The following SHANK2 variants were observed in gnomAD, a reference collection of about 807,000 sequenced individuals.
The protein encoded by SHANK2 is SH3 and multiple ankyrin repeat domains 2, also known as SH3 and multiple ankyrin repeat domains protein 2.
A neutral mutation model predicts 133.7 loss-of-function variants in SHANK2; 43 were observed. The ratio of observed to expected loss-of-function variants is 0.32; its 90% CI spans 0.25 to 0.41. The LOEUF (loss-of-function observed/expected upper bound fraction) is 0.41, where lower values mean the gene tolerates loss of function less well. Among genes scored for constraint, SHANK2 ranks in the 10% least tolerant of loss-of-function variants. The probability of loss-of-function intolerance (pLI) is 1.00; values close to 1 mark genes in which losing one functional copy is unlikely to be tolerated. For synonymous variants in SHANK2, 1,017 were observed against 952.8 expected (o/e 1.07, Z -1.24); for missense variants, 1,994 against 2,235.8 (o/e 0.89, Z 2.18).
intron 2 of SHANK2, among the ~76,000 whole-genome samples, chr11:71,176,184 G>A (rs932746316): frequency 7.9e-5 from 12 of 151,976 alleles, no homozygotes; most frequent in Non-Finnish European, 1.2e-4. Flanking sequence ...CCATCATCCC[G>A]CCCAACGAAT....
At chr11:70,507,873 C>T (rs782487271) in intron 17 of SHANK2, among the ~76,000 whole-genome samples, 1 of 152,246 alleles carries the variant, frequency 6.6e-6, no homozygotes, top group African/African-American at 2.4e-5. Context: ...CTAAAAATGC[C>T]GACTTCCCCA....
chr11:71,082,957 C>G lies in SHANK2; in HGVS notation c.913-7682G>C, dbSNP rs1437977404. 2.7e-5 allele frequency among the ~76,000 whole-genome samples: 4 copies of G among 149,952 alleles called. No individual in the cohort carries two copies. The East Asian group carries it at 7.9e-4, about 30-fold the overall frequency. Reference sequence around the variant, plus strand: ...TCTTAACGCCCGCCCCCCCCCCAACCCTTCTGAAACAGGTTCTCACTCTGG... The same window carrying G: ...TCTTAACGCCCGCCCCCCCCCCAACGCTTCTGAAACAGGTTCTCACTCTGG... On this transcript the variant is annotated intron_variant, in intron 8 of 25. Coordinates refer to ENST00000601538, the MANE Select transcript of SHANK2 (RefSeq NM_012309.5).
intron 6 of SHANK2, among the ~76,000 whole-genome samples, chr11:71,108,699 C>A (rs539335614): frequency 6.6e-6 from 1 of 152,344 alleles, no homozygotes; most frequent in Admixed American, 6.5e-5. Flanking sequence ...TGTAGCCAGG[C>A]ACTCACCTTC....
intron 10 of SHANK2, among the ~76,000 whole-genome samples, chr11:70,900,563 G>C (rs529791742): frequency 1.1e-3 from 167 of 152,194 alleles, no homozygotes; most frequent in African/African-American, 3.4e-3. Context: ...CCATCCCCTA[G>C]TGATTCCGGG....
rs1028765957 is a variant in SHANK2, at chr11:70,473,799, G to A, written c.4980-360C>T. 4.6e-5 allele frequency: 17 copies of A among 371,422 alleles called. No individual in the cohort carries two copies. Among genetic ancestry groups the A allele is most frequent in the Non-Finnish European group, 6.2e-5 (12 of 192,646 alleles). 23.0% of individuals were successfully genotyped at this position (371,422 alleles called of 1,614,324 possible). A position where few individuals can be genotyped will look rare whatever the true frequency, so the allele number is the denominator to read the frequency against. ...TGGGGGGCAGGGCCGGGGGACCCTC[G>A]GGAGGGTGGCCACTGAGGCATTTGG... is the stretch of plus-strand genomic sequence containing the variant. On this transcript the variant is annotated intron_variant, in intron 25 of 25. Transcript: ENST00000601538. This position sits in a 1 kb window ranked among gnomAD's most constrained non-coding sequence, Gnocchi z 5.9.
At chr11:71,081,018 G>A (rs1369801990) in intron 8 of SHANK2, among the ~76,000 whole-genome samples, 3 of 152,170 alleles carry the variant, frequency 2.0e-5, no homozygotes, top group Admixed American at 6.5e-5. Flanking sequence ...CAGTACCTCC[G>A]CATGGGGCTG....
intron 17 of SHANK2, among the ~76,000 whole-genome samples, chr11:70,542,588 C>A (rs188963229): frequency 1.3e-5 from 2 of 152,172 alleles, no homozygotes; most frequent in Non-Finnish European, 2.9e-5. Context: ...AGCCTCCTGA[C>A]CCTCACTGGG....
At chr11:70,722,142 G>A (rs1555029343) in intron 14 of SHANK2, among the ~76,000 whole-genome samples, 1 of 152,246 alleles carries the variant, frequency 6.6e-6, no homozygotes, top group African/African-American at 2.4e-5. Context: ...GATGTGTGCT[G>A]TCTCTTGGTA....
chr11:70,597,145 C>T (rs943182983), intron 17 of SHANK2, among the ~76,000 whole-genome samples: 2 of 152,094 alleles, frequency 1.3e-5, no homozygotes, highest in African/African-American at 4.8e-5. Flanking sequence ...GAGCAGGTTT[C>T]GCACAAAATG....
intron 1 of SHANK2, among the ~76,000 whole-genome samples, chr11:71,234,792 A>G (rs990139677): frequency 2.6e-5 from 4 of 152,270 alleles, no homozygotes; most frequent in Non-Finnish European, 4.4e-5. Context: ...CTGGAGGAGC[A>G]TGGCCGGGTG....
chr11:71,085,163 C>T (rs1196880007), intron 8 of SHANK2, among the ~76,000 whole-genome samples: 2 of 152,082 alleles, frequency 1.3e-5, no homozygotes, highest in African/African-American at 4.8e-5. Flanking sequence ...CTCTCAAAAT[C>T]AGTAGACTTT....
chr11:70,938,422 T>C (rs1001136305), intron 10 of SHANK2, among the ~76,000 whole-genome samples: 13 of 152,242 alleles, frequency 8.5e-5, no homozygotes, highest in Admixed American at 3.3e-4. Context: ...AGGAAAGGCA[T>C]GTTCCTGAAA....
chr11:70,798,378 A>G (rs1436644826), intron 14 of SHANK2, 65 bp downstream of exon 14: 2 of 710,524 alleles, frequency 2.8e-6, no homozygotes, highest in East Asian at 2.7e-5. Context: ...CACGGACAAC[A>G]CCGACCACGG....
chr11:70,852,136 C>T (rs781863191), intron 11 of SHANK2, among the ~76,000 whole-genome samples: 14 of 152,152 alleles, frequency 9.2e-5, no homozygotes, highest in Non-Finnish European at 1.5e-4. Flanking sequence ...TCTGCAGAGG[C>T]GAGAGAGAGC....
Position 71,094,541 on chromosome 11 carries a change from A to G in SHANK2, c.740T>C (p.Leu247Pro). Residue 247 changes from leucine to proline, a missense_variant, in exon 7 of 26, where the codon CTG (leucine) becomes CCG (proline). By Grantham distance (98) the Leu-to-Pro change is moderately conservative. Transcript: ENST00000601538. ...GTAAGATGGGCCCGAGTTTACCTTCAGGGCAACTTGGTTCCTCGCTCGGGC... is the reference window on the plus strand; with the variant it reads ...GTAAGATGGGCCCGAGTTTACCTTCGGGGCAACTTGGTTCCTCGCTCGGGC... ...KAARARNQVA[L>P]KTLLELGASP... 1 of 1,549,992 alleles carries G rather than the reference A, an allele frequency of 6.5e-7. No homozygotes were observed. The highest frequency in any genetic ancestry group is 8.7e-7 in the Non-Finnish European group (1 of 1,145,712).
intron 17 of SHANK2, among the ~76,000 whole-genome samples, chr11:70,610,913 T>C (rs1186206231): frequency 6.6e-6 from 1 of 152,134 alleles, no homozygotes; most frequent in East Asian, 1.9e-4. Context: ...GAAAAACAAA[T>C]GGTCCTTTGA....
intron 14 of SHANK2, among the ~76,000 whole-genome samples, chr11:70,725,847 A>T (rs782534771): frequency 5.3e-5 from 8 of 152,176 alleles, no homozygotes; most frequent in Non-Finnish European, 1.0e-4. Context: ...GCATGGGGGG[A>T]AGAACAGCCA....
intron 14 of SHANK2, among the ~76,000 whole-genome samples, chr11:70,717,099 C>T (rs562222241): frequency 1.1e-3 from 164 of 152,332 alleles, no homozygotes; most frequent in Non-Finnish European, 1.1e-3. Context: ...AAAACAACAA[C>T]GGAAATCCAC....
chr11:70,515,614 A>G (rs2059253730), intron 17 of SHANK2, among the ~76,000 whole-genome samples: 1 of 141,434 alleles, frequency 7.1e-6, no homozygotes, highest in Non-Finnish European at 1.5e-5. Context: ...CCTGCTGGGC[A>G]GCATAGTGAG....
Sources: gnomAD v4.1 joint callset for allele counts (sites outside exome capture counted in the v4.1 genomes callset) on GRCh38, gnomAD v4.1.1 for gene constraint, Gnocchi (gnomAD v3.1) non-coding constraint, MANE v1.5 for transcripts, NCBI Gene and HGNC (gene_info 2026-07-23, HGNC 2026-07-21) for gene names.